ATP2B1: variants seen among roughly 807,000 people sequenced by gnomAD.
The protein encoded by ATP2B1 is plasma membrane calcium-transporting ATPase 1.
Under a neutral mutation model 124.2 loss-of-function variants are expected in ATP2B1, and 14 were observed. The observed-to-expected ratio is 0.11, with a 90% confidence interval of 0.07 to 0.18. The LOEUF (loss-of-function observed/expected upper bound fraction) is 0.18. Ranked by LOEUF, ATP2B1 falls within the 10% of genes least tolerant of loss-of-function variation. The pLI is 1.00. For missense variants in ATP2B1, 763 were observed against 1,466.1 expected, an observed-to-expected ratio of 0.52 and a Z score of 7.83; for synonymous variants, 449 against 492.4, an observed-to-expected ratio of 0.91 and a Z score of 1.17.
intron 1 of ATP2B1, among the ~76,000 whole-genome samples, chr12:89,683,498 T>C (rs943123794): frequency 6.6e-6 from 1 of 152,228 alleles, no homozygotes; most frequent in African/African-American, 2.4e-5. Context: ...ACATGTCTGG[T>C]TGACAGTCTA....
intron 1 of ATP2B1, among the ~76,000 whole-genome samples, chr12:89,697,064 C>CA (rs59301153): frequency 0.016 from 1,808 of 114,192 alleles, 43 homozygotes; most frequent in African/African-American, 0.056. Flanking sequence ...CTACTTCCTT[C>CA]AAAAAAAAAA....
chr12:89,671,589 G>T (rs1260078413), intron 1 of ATP2B1, among the ~76,000 whole-genome samples: 2 of 152,090 alleles, frequency 1.3e-5, no homozygotes, highest in African/African-American at 4.8e-5. Flanking sequence ...GCCAGATGAG[G>T]TAACTAACCG....
At chr12:89,658,323 T>C (rs892254040) in intron 1 of ATP2B1, among the ~76,000 whole-genome samples, 2 of 152,092 alleles carry the variant, frequency 1.3e-5, no homozygotes, top group African/African-American at 4.8e-5. Flanking sequence ...ACTAGACATA[T>C]GTAGCTTCTT....
chr12:89,705,301 T>TGA (rs1463724408), intron 1 of ATP2B1, among the ~76,000 whole-genome samples: 1 of 152,160 alleles, frequency 6.6e-6, no homozygotes, highest in Non-Finnish European at 1.5e-5. Context: ...TTACATATCA[T>TGA]GACAGCTACT....
Position 89,610,434 on chromosome 12 carries a change from A to G in ATP2B1, c.2322T>C (p.His774=), listed in dbSNP as rs1877784347. 6.2e-7 allele frequency: 1 copy of G among 1,613,696 alleles called. No homozygotes were observed. The highest frequency in any genetic ancestry group is 1.3e-5 in the African/African-American group (1 of 75,034). ...AAATCTACTTACCTTTAACCAGTGT[A>G]TGCTTATCAGTAGGAGATGATCTTG... ...VLARSSPTDK[H]TLVKGIIDST... is the part of the protein sequence containing the mutation. The change falls in exon 14 of 21, where the codon CAT becomes CAC. Residue 774 remains histidine, a synonymous_variant. Coordinates refer to ENST00000428670, the MANE Select transcript of ATP2B1 (RefSeq NM_001366521.1).
intron 1 of ATP2B1, among the ~76,000 whole-genome samples, chr12:89,690,764 T>G (rs1489049246): frequency 6.6e-6 from 1 of 152,130 alleles, no homozygotes; most frequent in Non-Finnish European, 1.5e-5. Context: ...CTAAAACTTC[T>G]GGTAGTATAA....
In ATP2B1 at chr12:89,656,059, C is replaced by T. The variant is rs531452449; in HGVS notation, c.-173G>A. The T allele has an allele frequency of 1.1e-5, 7 of 621,800 alleles. No individual in the cohort carries two copies. In the South Asian group the frequency reaches 1.6e-4, roughly 14 times the overall value. The allele number at this position is 621,800 out of a possible 1,614,324, so 38.5% of individuals were successfully genotyped here. On this transcript the variant is annotated 5_prime_UTR_variant, in exon 2 of 21. Transcript: ENST00000428670. ...AACATTTCCCAGAGAAGTATCTTGA[C>T]CTTTGGCCCATGACTAGTTTCTCCA...
In ATP2B1 at chr12:89,597,835, TACA is replaced by T. The variant is rs1019325021; in HGVS notation, c.3351+1279_3351+1281del. Among the ~76,000 whole-genome samples the T allele has an allele frequency of 3.0e-4, 46 of 152,096 alleles. 1 individual carries two copies. Among genetic ancestry groups the T allele is most frequent in the African/African-American group, 9.9e-4 (41 of 41,510 alleles). On this transcript the variant is annotated intron_variant, in intron 20 of 20. Coordinates refer to ENST00000428670, the MANE Select transcript of ATP2B1 (RefSeq NM_001366521.1). ...GTTATTTTAGTCAATTATTGAAAAT[TACA>T]ACATTTATTGGTTCAACGATTAATC...
intron 8 of ATP2B1, among the ~76,000 whole-genome samples, 198 bp downstream of exon 8, chr12:89,626,256 C>G (rs745446081): frequency 6.6e-6 from 1 of 152,142 alleles, no homozygotes; most frequent in Non-Finnish European, 1.5e-5. Flanking sequence ...TAATCCTAAC[C>G]CGACCACTTA....
At chr12:89,602,936 G>A in intron 18 of ATP2B1, 107 bp downstream of exon 18, 1 of 937,502 alleles carries the variant, frequency 1.1e-6, no homozygotes, top group Non-Finnish European at 1.6e-6. Flanking sequence ...TGTCACCAAG[G>A]CAACAGTTCC....
At chr12:89,678,009 CACACACACAT>C (rs1224846011) in intron 1 of ATP2B1, among the ~76,000 whole-genome samples, 8 of 134,154 alleles carry the variant, frequency 6.0e-5, no homozygotes, top group South Asian at 4.7e-4. Flanking sequence ...CACACACACA[CACACACACAT>C]ATACAGAATG....
intron 1 of ATP2B1, among the ~76,000 whole-genome samples, chr12:89,663,591 A>C (rs1886957942): frequency 6.6e-6 from 1 of 152,186 alleles, no homozygotes; most frequent in Non-Finnish European, 1.5e-5. Flanking sequence ...ACTTAACTCC[A>C]CATCTAACTA....
upstream of ATP2B1, chr12:89,708,885 GT>G (rs1046380835): frequency 1.3e-5 from 2 of 152,122 alleles, no homozygotes; most frequent in African/African-American, 4.8e-5. Context: ...GCGCCCGGCC[GT>G]CCCCGCCCAG....
chr12:89,687,495 T>G (rs1190594047), intron 1 of ATP2B1, among the ~76,000 whole-genome samples: 1 of 152,024 alleles, frequency 6.6e-6, no homozygotes, highest in East Asian at 1.9e-4. Flanking sequence ...CATGAGGTAC[T>G]TGAACATCTG....
intron 1 of ATP2B1, among the ~76,000 whole-genome samples, chr12:89,663,526 T>A (rs1218721877): frequency 7.9e-6 from 1 of 126,180 alleles, no homozygotes; most frequent in Non-Finnish European, 1.7e-5. Context: ...GTTGGCAAGG[T>A]CTAAATAATA....
At chr12:89,659,258 T>C (rs780502765) in intron 1 of ATP2B1, among the ~76,000 whole-genome samples, 1 of 152,078 alleles carries the variant, frequency 6.6e-6, no homozygotes, top group Non-Finnish European at 1.5e-5. Flanking sequence ...AGGGAGATTT[T>C]AAAGAAAGCA....
At chr12:89,672,483 A>T (rs1180196469) in intron 1 of ATP2B1, among the ~76,000 whole-genome samples, 1 of 152,210 alleles carries the variant, frequency 6.6e-6, no homozygotes, top group African/African-American at 2.4e-5. Flanking sequence ...AAAAAGGAAG[A>T]AAAAGAAACT....
chr12:89,658,598 G>GGAGAGAGAGAGAGAGAGAGA lies in ATP2B1; in HGVS notation c.-221-2511_-221-2492dup, dbSNP rs67298800. 1.8e-3 allele frequency among the ~76,000 whole-genome samples: 127 copies of GGAGAGAGAGAGAGAGAGAGA among 69,580 alleles called. 13 individuals are homozygous for GGAGAGAGAGAGAGAGAGAGA. Among genetic ancestry groups the GGAGAGAGAGAGAGAGAGAGA allele is most frequent in the East Asian group, 3.4e-3 (7 of 2,032 alleles). The allele number at this position is 69,580 out of a possible 152,430, so 45.6% of individuals were successfully genotyped here. Reference sequence around the variant, plus strand: ...AGAATTCAAACAGAGAATTCAAACAGGAGAGAGAGAGAGAGAGAGAGAGAG... The same window carrying GGAGAGAGAGAGAGAGAGAGA: ...AGAATTCAAACAGAGAATTCAAACAGGAGAGAGAGAGAGAGAGAGAGAGAGAGAGAGAGAGAGAGAGAGAG... On this transcript the variant is annotated intron_variant, in intron 1 of 20. Transcript: ENST00000428670.
At chr12:89,657,015 GTCC>G (rs1346344196) in intron 1 of ATP2B1, among the ~76,000 whole-genome samples, 2 of 152,090 alleles carry the variant, frequency 1.3e-5, no homozygotes, top group African/African-American at 4.8e-5. Context: ...ATACTTTCAA[GTCC>G]TCCTATTATA....
Sources: gnomAD v4.1 joint callset for allele counts (sites outside exome capture counted in the v4.1 genomes callset) on GRCh38, gnomAD v4.1.1 for gene constraint, MANE v1.5 for transcripts, NCBI Gene and HGNC (gene_info 2026-07-23, HGNC 2026-07-21) for gene names.